SEPTIN6: variants seen among roughly 807,000 people sequenced by gnomAD.
The protein encoded by SEPTIN6 is septin-6.
A neutral mutation model predicts 33.6 loss-of-function variants in SEPTIN6; 8 were observed. That is an observed-to-expected ratio of 0.24 (90% CI 0.14 to 0.43). The LOEUF (loss-of-function observed/expected upper bound fraction) is 0.43, where lower values mean the gene tolerates loss of function less well. Ranked by LOEUF, SEPTIN6 falls within the 20% of genes least tolerant of loss-of-function variation. The probability of loss-of-function intolerance (pLI) is 1.00; values close to 1 mark genes in which losing one functional copy is unlikely to be tolerated. For synonymous variants in SEPTIN6, 131 were observed against 140.0 expected (o/e 0.94, Z 0.45); for missense variants, 250 against 340.8 (o/e 0.73, Z 2.10).
At chrX:119,661,567 A>C (rs910164686) in intron 3 of SEPTIN6, among the ~76,000 whole-genome samples, 1 of 112,572 alleles carries the variant, frequency 8.9e-6, no homozygotes, top group Non-Finnish European at 1.9e-5. Flanking sequence ...GAATCCTGAA[A>C]GAATGAGAAG....
chrX:119,649,286 G>A (rs1430955691), intron 5 of SEPTIN6, among the ~76,000 whole-genome samples: 1 of 106,648 alleles, frequency 9.4e-6, no homozygotes, highest in Non-Finnish European at 1.9e-5. Context: ...TAGAGACGGG[G>A]TTTTGCCATG....
intron 4 of SEPTIN6, among the ~76,000 whole-genome samples, chrX:119,651,465 G>A (rs184483879): frequency 3.1e-3 from 346 of 111,623 alleles, no homozygotes; most frequent in African/African-American, 0.011. Flanking sequence ...CTGAGGTTGC[G>A]AGTTCGAGAC....
In SEPTIN6 at chrX:119,690,340, CATACACAT is replaced by C. The variant is rs1394344465; in HGVS notation, c.30+2728_30+2735del. On this transcript the variant is annotated intron_variant, in intron 1 of 10. Transcript: ENST00000394610. ...CTAGAAAGAACACACCCCCCACATACATACACATACACACACACACACACACACACACA... is the reference window on the plus strand; with the variant it reads ...CTAGAAAGAACACACCCCCCACATACACACACACACACACACACACACACA... Among the ~76,000 whole-genome samples the C allele has an allele frequency of 5.3e-3, 377 of 71,339 alleles. 3 individuals carry two copies. The highest frequency in any genetic ancestry group is 0.034 in the African/African-American group (357 of 10,438). 61.9% of individuals were successfully genotyped at this position (71,339 alleles called of 115,157 possible).
At chrX:119,646,557 C>T (rs1025121745) in intron 5 of SEPTIN6, among the ~76,000 whole-genome samples, 1 of 111,441 alleles carries the variant, frequency 9.0e-6, no homozygotes, top group Non-Finnish European at 1.9e-5. Flanking sequence ...CAAGACCTCG[C>T]TCTCCCTTCT....
At position 119,637,086 on chromosome X, in the gene SEPTIN6, G is replaced by T; in HGVS notation, c.897C>A (p.Arg299=). ...QTHTRHYELY[R]RCKLEEMGFK... is the part of the protein sequence containing the mutation. ...AGCCCATCTCCTCCAGCTTACAGCG[G>T]CGATACAGCTCATAGTGCCGGGTGT... Residue 299 remains arginine (R), a synonymous_variant, in exon 7 of 11, where the codon CGC becomes CGA. Transcript: ENST00000394610. 8.3e-7 allele frequency: 1 copy of T among 1,211,577 alleles called. No individual in the cohort carries two copies. Among genetic ancestry groups the T allele is most frequent in the Non-Finnish European group, 1.1e-6 (1 of 895,406 alleles).
Position 119,633,428 on chromosome X carries a change from C to T in SEPTIN6, c.1021G>A (p.Glu341Lys). The T allele has an allele frequency of 8.3e-7, 1 of 1,210,577 alleles. No homozygotes were observed. The highest frequency in any genetic ancestry group is 1.1e-6 in the Non-Finnish European group (1 of 894,664). ...CGCTGGACGAACATCTGTCTCATCTCCTCTTCTTTTTTCTGGAGTTCCCCT... is the reference window on the plus strand; with the variant it reads ...CGCTGGACGAACATCTGTCTCATCTTCTCTTCTTTTTTCTGGAGTTCCCCT... ...FLGELQKKEE[E>K]MRQMFVQRVK... Residue 341 changes from glutamate to lysine, a missense_variant, in exon 8 of 11, where the codon GAG (glutamate) becomes AAG (lysine). This residue lies in a region of SEPTIN6 where 139 missense variants were observed against 227.0 expected (regional missense o/e 0.61). Transcript: ENST00000394610.
chrX:119,664,441 C>T (rs1352105398), intron 2 of SEPTIN6, among the ~76,000 whole-genome samples: 3 of 111,556 alleles, frequency 2.7e-5, no homozygotes, highest in African/African-American at 9.8e-5. Flanking sequence ...TCATCCCTTT[C>T]TTTATGCTTT....
At chrX:119,674,222 G>A (rs2054801813) in intron 2 of SEPTIN6, among the ~76,000 whole-genome samples, 1 of 108,302 alleles carries the variant, frequency 9.2e-6, no homozygotes, top group Admixed American at 9.8e-5. Context: ...CGTCCAGGCT[G>A]GAGTGCAGTG....
chrX:119,619,729 G>T lies in SEPTIN6; in HGVS notation c.*364C>A, dbSNP rs2053716749. On this transcript the variant is annotated 3_prime_UTR_variant, in exon 11 of 11. Coordinates refer to ENST00000394610, the MANE Select transcript of SEPTIN6 (RefSeq NM_145799.4). ...TAACAGCAACCAGAACTGGAACAGGGGAGCTGGTGGGAAAGAGTAGCAGAT... is the reference window on the plus strand; with the variant it reads ...TAACAGCAACCAGAACTGGAACAGGTGAGCTGGTGGGAAAGAGTAGCAGAT... 1.0e-6 allele frequency: 1 copy of T among 968,230 alleles called. No individual in the cohort carries two copies. The highest frequency in any genetic ancestry group is 2.0e-5 in the African/African-American group (1 of 49,558). 79.8% of individuals were successfully genotyped at this position (968,230 alleles called of 1,213,427 possible). A position where few individuals can be genotyped will look rare whatever the true frequency, so the allele number is the denominator to read the frequency against.
Position 119,617,310 on chromosome X carries a change from T to C in SEPTIN6, c.*2783A>G. On this transcript the variant is annotated 3_prime_UTR_variant, in exon 11 of 11. Transcript: ENST00000394610. ...CTTTTCATTGAAGAAGGAAAAAATC[T>C]GTCTACAGTGAGAAAAGCTACCCAA... 1.2e-6 allele frequency: 1 copy of C among 806,609 alleles called. No homozygotes were observed. The highest frequency in any genetic ancestry group is 1.5e-6 in the Non-Finnish European group (1 of 671,179). 66.5% of individuals were successfully genotyped at this position (806,609 alleles called of 1,213,427 possible).
intron 3 of SEPTIN6, among the ~76,000 whole-genome samples, chrX:119,657,830 G>C (rs1247375910): frequency 8.9e-6 from 1 of 112,114 alleles, no homozygotes; most frequent in East Asian, 2.8e-4. Flanking sequence ...ATTTATGCAA[G>C]AACACCTATT....
Position 119,652,972 on chromosome X carries a change from C to G in SEPTIN6, c.410G>C (p.Arg137Pro). 1 of 1,209,953 alleles carries G rather than the reference C, an allele frequency of 8.3e-7. No individual in the cohort carries two copies. Among genetic ancestry groups the G allele is most frequent in the South Asian group, 1.8e-5 (1 of 56,906 alleles). Reference sequence around the variant, plus strand: ...GTCATGGTAGGTGTGTAGCACTCTTCGGATCTTTAGCTCTTCCTGCAGGTA... The same window carrying G: ...GTCATGGTAGGTGTGTAGCACTCTTGGGATCTTTAGCTCTTCCTGCAGGTA... ...EAYLQEELKIRRVLHTYHDSR... is the reference protein window; with the variant it reads ...EAYLQEELKIPRVLHTYHDSR... Residue 137 changes from arginine (R) to proline (P), a missense_variant, in exon 4 of 11, where the codon CGA becomes CCA. By Grantham distance (103) the Arg-to-Pro change is moderately radical. Around this residue, in one of 2 missense-constraint regions of SEPTIN6, gnomAD observed 111 missense variants for 113.8 expected, o/e 0.98. Transcript: ENST00000394610.
chrX:119,626,630 T>A (rs1370826239), intron 9 of SEPTIN6, among the ~76,000 whole-genome samples: 3 of 111,833 alleles, frequency 2.7e-5, no homozygotes, highest in Non-Finnish European at 5.6e-5. Context: ...CATTCATCAG[T>A]GAATTTGACA....
chrX:119,666,013 T>C (rs5957206), intron 2 of SEPTIN6, among the ~76,000 whole-genome samples: 27,122 of 104,010 alleles, frequency 0.26, 3,555 homozygotes, highest in African/African-American at 0.49. Context: ...ACCCAGGAGG[T>C]GGAGCTTGCA....
chrX:119,691,834 T>A (rs137934246), intron 1 of SEPTIN6, among the ~76,000 whole-genome samples: 2,601 of 111,844 alleles, frequency 0.023, 102 homozygotes, highest in South Asian at 0.14. Context: ...CATTTTTATG[T>A]GGTTCAGAGA....
rs185666615 is a variant in SEPTIN6, at chrX:119,686,099, G to A, written c.30+6977C>T. ...CAGACAATTGAAAGAGAGTTTTCTA[G>A]GTGTTCTGGCTATTGTTACCTCCAA... On this transcript the variant is annotated intron_variant, in intron 1 of 10. Coordinates refer to ENST00000394610, the MANE Select transcript of SEPTIN6 (RefSeq NM_145799.4). 5.4e-4 allele frequency among the ~76,000 whole-genome samples: 60 copies of A among 111,910 alleles called. 1 individual carries two copies. Among genetic ancestry groups the A allele is most frequent in the Non-Finnish European group, 8.5e-4 (45 of 53,178 alleles).
chrX:119,687,302 G>C (rs750136535), intron 1 of SEPTIN6, among the ~76,000 whole-genome samples: 4 of 102,316 alleles, frequency 3.9e-5, no homozygotes, highest in South Asian at 4.9e-4. Context: ...CCAGGATGGA[G>C]TGCAGTGGCA....
At chrX:119,644,408 C>CA (rs61111445) in intron 5 of SEPTIN6, among the ~76,000 whole-genome samples, 21,923 of 104,592 alleles carry the variant, frequency 0.21, 1,763 homozygotes, top group South Asian at 0.28. Flanking sequence ...GAAATTTATT[C>CA]AAAAAAAAAA....
At chrX:119,653,706 G>A (rs994065577) in intron 3 of SEPTIN6, among the ~76,000 whole-genome samples, 1 of 112,220 alleles carries the variant, frequency 8.9e-6, no homozygotes, top group African/African-American at 3.2e-5. Context: ...TAGGTTTAGC[G>A]GAGCTCCACA....
Sources: gnomAD v4.1 joint callset for allele counts (sites outside exome capture counted in the v4.1 genomes callset) on GRCh38, gnomAD v4.1.1 for gene constraint, gnomAD v4.1.1 regional missense constraint, MANE v1.5 for transcripts, NCBI Gene and HGNC (gene_info 2026-07-23, HGNC 2026-07-21) for gene names.